The following VGLL4 variants were observed in gnomAD, a reference collection of about 807,000 sequenced individuals.
VGLL4 encodes the protein vestigial like family member 4.
A neutral mutation model predicts 21.0 loss-of-function variants in VGLL4; 7 were observed. The observed-to-expected ratio is 0.33, with a 90% CI of 0.19 to 0.63. The LOEUF (loss-of-function observed/expected upper bound fraction) is 0.63, where lower values mean the gene tolerates loss of function less well. Ranked by LOEUF, VGLL4 falls within the 20% of genes least tolerant of loss-of-function variation. The pLI is 0.78. For synonymous variants in VGLL4, 222 were observed against 173.2 expected, an observed-to-expected ratio of 1.28 and a Z score of -2.21; for missense variants, 394 against 425.7, an observed-to-expected ratio of 0.93 and a Z score of 0.66.
In VGLL4 at chr3:11,558,398, AAAAC is replaced by A. The variant is rs929019418; in HGVS notation, c.*154_*157del. The A allele has an allele frequency of 4.7e-6, 6 of 1,272,018 alleles. No homozygotes were observed. In the African/African-American group the frequency reaches 9.0e-5, roughly 19 times the overall value. 78.8% of individuals were successfully genotyped at this position (1,272,018 alleles called of 1,614,324 possible). Reference sequence around the variant, plus strand: ...CTTGTACGGATACCAAGCAAGTACAAAAACAGAACACAAATCCCAACAACATGGT... The same window carrying A: ...CTTGTACGGATACCAAGCAAGTACAAAGAACACAAATCCCAACAACATGGT... On this transcript the variant is annotated 3_prime_UTR_variant, in exon 5 of 5. Coordinates refer to ENST00000430365, the MANE Select transcript of VGLL4 (RefSeq NM_001128219.3).
chr3:11,568,870 G>A lies in VGLL4; in HGVS notation c.273-3851C>T. The A allele has an allele frequency of 7.3e-7, 1 of 1,361,248 alleles. No individual in the cohort carries two copies. The highest frequency in any genetic ancestry group is 9.5e-7 in the Non-Finnish European group (1 of 1,056,016). The allele number at this position is 1,361,248 out of a possible 1,614,324, so 84.3% of individuals were successfully genotyped here. ...GTGCCAGGCCTATCAGAGCCGCTGA[G>A]GCTGCACGGCACCCGGCCCCGCCCC... On this transcript the variant is annotated intron_variant, in intron 2 of 4. Transcript: ENST00000430365. The surrounding 1 kb of genome is among the most constrained non-coding windows in gnomAD (Gnocchi z 5.9).
chr3:11,558,448 T>G lies in VGLL4; in HGVS notation c.*108A>C. On this transcript the variant is annotated 3_prime_UTR_variant, in exon 5 of 5. Transcript: ENST00000430365. ...ATGGTTTTTGCAAATAAACCATCCCTTCCCTTCCCCCCACCCCACCCCCAT... is the reference window on the plus strand; with the variant it reads ...ATGGTTTTTGCAAATAAACCATCCCGTCCCTTCCCCCCACCCCACCCCCAT... 1.4e-6 allele frequency: 2 copies of G among 1,407,018 alleles called. No homozygotes were observed. Among genetic ancestry groups the G allele is most frequent in the Non-Finnish European group, 1.9e-6 (2 of 1,065,166 alleles). The allele number at this position is 1,407,018 out of a possible 1,614,324, so 87.2% of individuals were successfully genotyped here. A position where few individuals can be genotyped will look rare whatever the true frequency, so the allele number is the denominator to read the frequency against.
chr3:11,631,618 CTG>C (rs748722886), intron 1 of VGLL4, among the ~76,000 whole-genome samples: 21 of 152,178 alleles, frequency 1.4e-4, no homozygotes, highest in Non-Finnish European at 2.8e-4. Flanking sequence ...TAAAGTAAGA[CTG>C]TGACATTTTT....
At position 11,565,560 on chromosome 3, in the gene VGLL4, G is replaced by C. The variant is rs2073441087; in HGVS notation, c.273-541C>G. The stretch of plus-strand genomic sequence containing the variant: ...TCCAGACCAGAACCCCAAGACTCAA[G>C]AGTGGTGGAATAATCAGCTCAGACT... On this transcript the variant is annotated intron_variant, in intron 2 of 4. Transcript: ENST00000430365. This position sits in a 1 kb window ranked among gnomAD's most constrained non-coding sequence, Gnocchi z 4.1. Among the ~76,000 whole-genome samples, 1 of 152,204 alleles carries C rather than the reference G, an allele frequency of 6.6e-6. No homozygotes were observed. The highest frequency in any genetic ancestry group is 2.4e-5 in the African/African-American group (1 of 41,446).
At chr3:11,594,770 T>C (rs570220449) in intron 2 of VGLL4, among the ~76,000 whole-genome samples, 3 of 152,350 alleles carry the variant, frequency 2.0e-5, no homozygotes, top group African/African-American at 4.8e-5. Flanking sequence ...AGGGGACTGG[T>C]TGGATGAGCT....
At chr3:11,561,362 G>C (rs186573356) in intron 3 of VGLL4, among the ~76,000 whole-genome samples, 37 of 152,336 alleles carry the variant, frequency 2.4e-4, no homozygotes, top group African/African-American at 7.5e-4. Context: ...AGCAGGGCAG[G>C]CTGGCTGACT....
At chr3:11,560,337 A>G (rs2072871142) in intron 3 of VGLL4, among the ~76,000 whole-genome samples, 1 of 152,230 alleles carries the variant, frequency 6.6e-6, no homozygotes, top group South Asian at 2.1e-4. Context: ...CCCCAGGAAA[A>G]GTATCTTCCA....
rs370099834 is a variant in VGLL4 at position 11,682,342 on chromosome 3, T to C, written c.64+20629A>G. ...ATAGCTTGAACCCGGGAGGTGGAGG[T>C]TGCAGTGAGCTGAGATCGCACCACT... On this transcript the variant is annotated intron_variant, in intron 2 of 5. Transcript: ENST00000273038. 7.3e-5 allele frequency among the ~76,000 whole-genome samples: 10 copies of C among 137,384 alleles called. No homozygotes were observed. In the South Asian group the frequency reaches 9.4e-4, roughly 13 times the overall value. 90.1% of individuals were successfully genotyped at this position (137,384 alleles called of 152,430 possible).
At chr3:11,616,485 T>A (rs779687059) in intron 1 of VGLL4, among the ~76,000 whole-genome samples, 5 of 152,238 alleles carry the variant, frequency 3.3e-5, no homozygotes, top group Non-Finnish European at 7.3e-5. Flanking sequence ...GCTCCAGGGA[T>A]AAGCCCTGTC....
At chr3:11,668,134 T>C (rs188613145) in intron 2 of VGLL4, among the ~76,000 whole-genome samples, 110 of 152,052 alleles carry the variant, frequency 7.2e-4, no homozygotes, top group Non-Finnish European at 9.1e-4. Flanking sequence ...GGATTACAGA[T>C]GTGAGCCACA....
In VGLL4 at chr3:11,719,570, A is replaced by AACACGCACACGC. The variant is rs957094468; in HGVS notation, c.-14+812_-14+823dup. 6.6e-6 allele frequency: 1 copy of AACACGCACACGC among 151,672 alleles called. No individual in the cohort carries two copies. 9.4% of individuals were successfully genotyped at this position (151,672 alleles called of 1,614,324 possible). A position where few individuals can be genotyped will look rare whatever the true frequency, so the allele number is the denominator to read the frequency against. ...CGAGCCCCCGCACGGGCCCCCGCCA[A>AACACGCACACGC]ACACGCACACGCACACGCACGCGCG... is the stretch of plus-strand genomic sequence containing the variant. On this transcript the variant is annotated intron_variant, in intron 1 of 5. Transcript: ENST00000273038. This position sits in a 1 kb window ranked among gnomAD's most constrained non-coding sequence, Gnocchi z 4.0.
In VGLL4 at chr3:11,565,084, G is replaced by T; in HGVS notation, c.273-65C>A. On this transcript the variant is annotated intron_variant, in intron 2 of 4. Transcript: ENST00000430365. This position sits in a 1 kb window ranked among gnomAD's most constrained non-coding sequence, Gnocchi z 4.1. ...AAGGCAAAGGGGACAGTGACTGTGC[G>T]CCAGGCACTCCGTGTTGCTTATTTA... The T allele has an allele frequency of 7.3e-7, 1 of 1,361,006 alleles. No individual in the cohort carries two copies. 84.3% of individuals were successfully genotyped at this position (1,361,006 alleles called of 1,614,324 possible). A position where few individuals can be genotyped will look rare whatever the true frequency, so the allele number is the denominator to read the frequency against.
intron 1 of VGLL4, among the ~76,000 whole-genome samples, chr3:11,628,730 G>A (rs1005495978): frequency 1.3e-5 from 2 of 152,222 alleles, no homozygotes; most frequent in Admixed American, 6.5e-5. Flanking sequence ...TGAGGCAGAA[G>A]AATGGTGTGA....
rs1270538973 is a variant in VGLL4 at position 11,653,330 on chromosome 3, T to C, written c.64+49641A>G. ...ACCCCCATAGGGTAACTTACTATCC[T>C]AACCTTTAAGAACGTAGATCAGTTG... On this transcript the variant is annotated intron_variant, in intron 2 of 5. Transcript: ENST00000273038. This position sits in a 1 kb window ranked among gnomAD's most constrained non-coding sequence, Gnocchi z 4.2. 6.6e-6 allele frequency among the ~76,000 whole-genome samples: 1 copy of C among 152,230 alleles called. No homozygotes were observed. The highest frequency in any genetic ancestry group is 2.4e-5 in the African/African-American group (1 of 41,456).
intron 2 of VGLL4, among the ~76,000 whole-genome samples, chr3:11,583,023 G>T (rs2074273879): frequency 6.6e-6 from 1 of 152,190 alleles, no homozygotes; most frequent in Non-Finnish European, 1.5e-5. Flanking sequence ...TGCTAAGTCT[G>T]CAGATGTCTT....
At position 11,586,615 on chromosome 3, in the gene VGLL4, T is replaced by C. The variant is rs145126424; in HGVS notation, c.272+15218A>G. ...GCATTTACATTGTATTAGGTATAAG[T>C]AAGCTAGAGGTGACTTAAGTATACG... On this transcript the variant is annotated intron_variant, in intron 2 of 4. Coordinates refer to ENST00000430365, the MANE Select transcript of VGLL4 (RefSeq NM_001128219.3). Among the ~76,000 whole-genome samples the C allele has an allele frequency of 2.0e-5, 3 of 152,340 alleles. No homozygotes were observed. The East Asian group carries it at 5.8e-4, about 29-fold the overall frequency.
At chr3:11,624,672 CT>C (rs1380959658) in intron 1 of VGLL4, among the ~76,000 whole-genome samples, 1 of 152,178 alleles carries the variant, frequency 6.6e-6, no homozygotes, top group Non-Finnish European at 1.5e-5. Flanking sequence ...TCCTATTTGT[CT>C]TTTGCACAAC....
chr3:11,568,722 G>A lies in VGLL4; in HGVS notation c.273-3703C>T, dbSNP rs2073651566. 6.5e-7 allele frequency: 1 copy of A among 1,544,626 alleles called. No individual in the cohort carries two copies. Among genetic ancestry groups the A allele is most frequent in the African/African-American group, 1.4e-5 (1 of 72,934 alleles). ...CTTCCCAGGCGTCATGTGCTCCCGG[G>A]GACGGCAGAAAACCGCACGCATCCT... On this transcript the variant is annotated intron_variant, in intron 2 of 4. Transcript: ENST00000430365. This position sits in a 1 kb window ranked among gnomAD's most constrained non-coding sequence, Gnocchi z 5.9.
rs200169993 is a variant in VGLL4 at position 11,617,062 on chromosome 3, AT to A, written c.83-15041del. Among the ~76,000 whole-genome samples, 1,329 of 152,302 alleles carry A rather than the reference AT, an allele frequency of 8.7e-3. 8 individuals carry two copies. Among genetic ancestry groups the A allele is most frequent in the Non-Finnish European group, 0.012 (846 of 68,016 alleles). On this transcript the variant is annotated intron_variant, in intron 1 of 4. Transcript: ENST00000430365. Reference sequence around the variant, plus strand: ...AATATTAATTAATTTGAAATAAAAAATAAAAAGAGATGCACTTTTTATTTTT... The same window carrying A: ...AATATTAATTAATTTGAAATAAAAAAAAAAAGAGATGCACTTTTTATTTTT...
Sources: allele counts gnomAD v4.1 joint callset (sites outside exome capture counted in the v4.1 genomes callset), GRCh38; gene constraint gnomAD v4.1.1; non-coding constraint Gnocchi (gnomAD v3.1); transcripts MANE v1.5; gene names NCBI Gene and HGNC (gene_info 2026-07-23, HGNC 2026-07-21).